Variants in PIAS2 observed in about 807,000 individuals in gnomAD.
PIAS2 encodes the protein E3 SUMO-protein ligase PIAS2.
A neutral mutation model predicts 69.7 loss-of-function variants in PIAS2; 19 were observed. That is an observed-to-expected ratio of 0.27 (90% CI 0.19 to 0.40). The LOEUF is 0.40. Ranked by LOEUF, PIAS2 falls within the 10% of genes least tolerant of loss-of-function variation. The probability of loss-of-function intolerance (pLI) is 1.00; values close to 1 mark genes in which losing one functional copy is unlikely to be tolerated. For synonymous variants in PIAS2, 261 were observed against 263.2 expected (o/e 0.99, Z 0.08); for missense variants, 624 against 757.0 (o/e 0.82, Z 2.06).
intron 2 of PIAS2, among the ~76,000 whole-genome samples, chr18:46,869,011 G>A (rs1244540439): frequency 6.6e-6 from 1 of 152,212 alleles, no homozygotes; most frequent in Non-Finnish European, 1.5e-5. Context: ...TCGTGGGGGT[G>A]ACAAAGTATT....
At chr18:46,874,106 T>A (rs1355958140) in intron 2 of PIAS2, among the ~76,000 whole-genome samples, 1 of 152,148 alleles carries the variant, frequency 6.6e-6, no homozygotes. Context: ...TGTAGAGGAA[T>A]TTATACTCTA....
At chr18:46,819,406 C>A (rs1050482040) in intron 12 of PIAS2, among the ~76,000 whole-genome samples, 1 of 152,128 alleles carries the variant, frequency 6.6e-6, no homozygotes, top group Non-Finnish European at 1.5e-5. Flanking sequence ...AAAATACCAA[C>A]TCCCAAATTA....
chr18:46,839,792 G>T (rs1471669975), intron 8 of PIAS2, among the ~76,000 whole-genome samples: 3 of 150,930 alleles, frequency 2.0e-5, no homozygotes, highest in Non-Finnish European at 2.9e-5. Context: ...TTGAACCTGG[G>T]AGGCAGAGGT....
intron 2 of PIAS2, among the ~76,000 whole-genome samples, chr18:46,884,637 C>T (rs1302754370): frequency 6.6e-6 from 1 of 151,966 alleles, no homozygotes; most frequent in East Asian, 2.0e-4. Flanking sequence ...ATTATCTTGC[C>T]AGGTGCCGTG....
chr18:46,849,552 G>A (rs980462940), intron 5 of PIAS2, among the ~76,000 whole-genome samples: 2 of 152,010 alleles, frequency 1.3e-5, no homozygotes. Flanking sequence ...ACACTTTGTG[G>A]TAGTACTGTG....
At chr18:46,883,145 A>G (rs1280992897) in intron 2 of PIAS2, among the ~76,000 whole-genome samples, 1 of 152,044 alleles carries the variant, frequency 6.6e-6, no homozygotes, top group African/African-American at 2.4e-5. Context: ...AAGCATTAAC[A>G]TAACACAAGC....
intron 2 of PIAS2, among the ~76,000 whole-genome samples, chr18:46,870,889 A>G (rs2050261658): frequency 6.6e-6 from 1 of 152,138 alleles, no homozygotes; most frequent in Admixed American, 6.5e-5. Flanking sequence ...GGTCAATAAC[A>G]ATGCAGCTCA....
chr18:46,844,851 C>CA lies in PIAS2; in HGVS notation c.862-13dup, dbSNP rs748846475. ...GACATAGAGTAATTCTACAAACAAA[C>CA]AAAAAAAACCTGCATTAAAGATGAG... On this transcript the variant is annotated splice_polypyrimidine_tract_variant and intron_variant, in intron 6 of 13. Coordinates refer to ENST00000585916, the MANE Select transcript of PIAS2 (RefSeq NM_004671.5). 190 of 1,104,534 alleles carry CA rather than the reference C, an allele frequency of 1.7e-4. 1 individual carries two copies. The highest frequency in any genetic ancestry group is 8.1e-4 in the African/African-American group (49 of 60,626). 68.4% of individuals were successfully genotyped at this position (1,104,534 alleles called of 1,614,324 possible).
In PIAS2 at chr18:46,807,383, A is replaced by ATATATATATATATATATATATATT. The variant is rs869149927; in HGVS notation, c.*5049_*5050insAATATATATATATATATATATATA. Reference sequence around the variant, plus strand: ...TATATATATATATATATATATATATATTTTTTTTTTTTTTTTTTTTTTTTT... The same window carrying ATATATATATATATATATATATATT: ...TATATATATATATATATATATATATATATATATATATATATATATATATTTTTTTTTTTTTTTTTTTTTTTTTTT... On this transcript the variant is annotated 3_prime_UTR_variant, in exon 14 of 14. Transcript: ENST00000585916. The ATATATATATATATATATATATATT allele has an allele frequency of 8.6e-5, 1 of 11,600 alleles. No homozygotes were observed. Among genetic ancestry groups the ATATATATATATATATATATATATT allele is most frequent in the African/African-American group, 5.4e-4 (1 of 1,846 alleles). The allele number at this position is 11,600 out of a possible 1,614,324, so 0.7% of individuals were successfully genotyped here.
At chr18:46,848,071 C>G (rs1202990107) in intron 5 of PIAS2, among the ~76,000 whole-genome samples, 1 of 152,148 alleles carries the variant, frequency 6.6e-6, no homozygotes, top group African/African-American at 2.4e-5. Context: ...CCCTTTTGTA[C>G]AGAAGAAACT....
chr18:46,868,550 T>C (rs530351715), intron 2 of PIAS2, among the ~76,000 whole-genome samples: 79 of 152,250 alleles, frequency 5.2e-4, no homozygotes, highest in African/African-American at 1.3e-3. Flanking sequence ...CAGGTCAGTG[T>C]AGATTGTGCC....
chr18:46,867,746 T>G (rs2049710727), intron 2 of PIAS2, among the ~76,000 whole-genome samples: 1 of 152,244 alleles, frequency 6.6e-6, no homozygotes, highest in African/African-American at 2.4e-5. Context: ...TATGTAAACT[T>G]GACATTCTTC....
intron 1 of PIAS2, chr18:46,891,312 A>G (rs2054041673): frequency 1.8e-6 from 1 of 552,648 alleles, no homozygotes; most frequent in Non-Finnish European, 3.2e-6. Flanking sequence ...GTTTCTACTA[A>G]CCACTTCATT....
chr18:46,816,651 A>T, intron 12 of PIAS2: 1 of 258,078 alleles, frequency 3.9e-6, no homozygotes, highest in Non-Finnish European at 6.0e-6. Flanking sequence ...TTTTTTTTGT[A>T]GAGAGAGGGT....
At chr18:46,886,114 T>C (rs1475041796) in intron 2 of PIAS2, among the ~76,000 whole-genome samples, 1 of 151,990 alleles carries the variant, frequency 6.6e-6, no homozygotes, top group African/African-American at 2.4e-5. Context: ...CTTCACTTAG[T>C]CCCCCCCAGT....
intron 5 of PIAS2, among the ~76,000 whole-genome samples, chr18:46,854,571 T>C (rs957209919): frequency 6.6e-6 from 1 of 152,244 alleles, no homozygotes; most frequent in Middle Eastern, 3.2e-3. Context: ...TCTACATTTA[T>C]TATTTTATTT....
chr18:46,815,399 GAATT>G (rs769413069), intron 12 of PIAS2, 50 bp from the exon 13 acceptor site: 2 of 1,605,376 alleles, frequency 1.2e-6, no homozygotes, highest in Non-Finnish European at 1.7e-6. Context: ...TGGGAGACCA[GAATT>G]ATTTCCCTAA....
chr18:46,918,546 C>G (rs1448383057), upstream of PIAS2, among the ~76,000 whole-genome samples: 1 of 152,124 alleles, frequency 6.6e-6, no homozygotes, highest in Non-Finnish European at 1.5e-5. Context: ...TGTCTGCCTC[C>G]CGGGTTCAAG....
chr18:46,849,769 A>G (rs1402263205), intron 5 of PIAS2, among the ~76,000 whole-genome samples: 1 of 152,248 alleles, frequency 6.6e-6, no homozygotes, highest in Non-Finnish European at 1.5e-5. Flanking sequence ...AGGAACAAAT[A>G]GCAGGGACCC....
Sources: gnomAD v4.1 joint callset for allele counts (sites outside exome capture counted in the v4.1 genomes callset) on GRCh38, gnomAD v4.1.1 for gene constraint, MANE v1.5 for transcripts, NCBI Gene and HGNC (gene_info 2026-07-23, HGNC 2026-07-21) for gene names.